TAS2R1: variants seen among roughly 807,000 people sequenced by gnomAD.
TAS2R1 encodes taste receptor type 2 member 1.
For synonymous variants in TAS2R1, 141 were observed against 134.2 expected (o/e 1.05, Z -0.35); for missense variants, 370 against 353.4 (o/e 1.05, Z -0.38).
At chr5:9,882,664 A>C in the TAS2R1 span, among the ~76,000 whole-genome samples, 2,903 of 152,234 alleles carry the variant, frequency 0.019, 78 homozygotes, top group African/African-American at 0.063. Context: ...ATAAATAGTC[A>C]AGAAACAACA....
the TAS2R1 span, among the ~76,000 whole-genome samples, chr5:9,764,267 T>C: frequency 6.6e-6 from 1 of 152,248 alleles, no homozygotes; most frequent in African/African-American, 2.4e-5. Flanking sequence ...CACTTACTTT[T>C]CTACCACCCT....
upstream of TAS2R1, among the ~76,000 whole-genome samples, chr5:9,633,293 A>G (rs913342363): frequency 1.6e-5 from 1 of 62,558 alleles, no homozygotes; most frequent in East Asian, 8.3e-4. Context: ...GTGTGTGTAT[A>G]TTATATATAT....
In TAS2R1 at chr5:9,671,288, C is replaced by T. The variant is rs547659852; in HGVS notation, c.-241-11707G>A. On this transcript the variant is annotated intron_variant, in intron 1 of 2. Coordinates refer to the TAS2R1 transcript ENST00000506620. Reference sequence around the variant, plus strand: ...TTCAACACAGTACTGAAAATTCTAGCCAGAAAAATCAGGCAAGAGAAATAA... The same window carrying T: ...TTCAACACAGTACTGAAAATTCTAGTCAGAAAAATCAGGCAAGAGAAATAA... Among the ~76,000 whole-genome samples, 9 of 152,124 alleles carry T rather than the reference C, an allele frequency of 5.9e-5. No homozygotes were observed. In the South Asian group the frequency reaches 1.2e-3, roughly 21 times the overall value.
chr5:9,891,070 T>C, the TAS2R1 span, among the ~76,000 whole-genome samples: 2 of 152,310 alleles, frequency 1.3e-5, no homozygotes, highest in African/African-American at 4.8e-5. Flanking sequence ...TATGTGGCTT[T>C]TAAAATCTCA....
chr5:9,629,541 G>C lies in TAS2R1; in HGVS notation c.492C>G (p.Ala164=), dbSNP rs148284129. ...YFLRKFFSQN[A]TIQKEDTLAI... is the part of the protein sequence containing the mutation. ...CCAGTGTATCTTCTTTTTGAATTGT[G>C]GCATTTTGGGAGAAAAATTTCCTTA... The change falls in exon 1 of 1, where the codon GCC becomes GCG. Residue 164 remains alanine, a synonymous_variant. Transcript: ENST00000382492. The C allele has an allele frequency of 4.6e-5, 74 of 1,613,682 alleles. No individual in the cohort carries two copies. Among genetic ancestry groups the C allele is most frequent in the Non-Finnish European group, 5.8e-5 (69 of 1,179,948 alleles).
the TAS2R1 span, among the ~76,000 whole-genome samples, chr5:9,787,003 A>C: frequency 6.6e-6 from 1 of 152,178 alleles, no homozygotes; most frequent in Non-Finnish European, 1.5e-5. Flanking sequence ...TAAGTGGTCT[A>C]TTTGGACAGA....
chr5:9,902,495 G>T, the TAS2R1 span, among the ~76,000 whole-genome samples: 2 of 152,016 alleles, frequency 1.3e-5, no homozygotes, highest in Admixed American at 6.6e-5. Context: ...CATATAAGGA[G>T]CTTGGAAGTC....
the TAS2R1 span, among the ~76,000 whole-genome samples, chr5:9,720,504 A>G: frequency 6.6e-6 from 1 of 152,254 alleles, no homozygotes; most frequent in African/African-American, 2.4e-5. Flanking sequence ...TCCTTAGGCC[A>G]AAGAAAATCA....
chr5:9,771,913 C>T, the TAS2R1 span, among the ~76,000 whole-genome samples: 1 of 151,922 alleles, frequency 6.6e-6, no homozygotes, highest in Non-Finnish European at 1.5e-5. Context: ...CTTCATCTGG[C>T]TAAAAGTTTG....
At chr5:9,875,506 AC>A in the TAS2R1 span, among the ~76,000 whole-genome samples, 2 of 152,228 alleles carry the variant, frequency 1.3e-5, no homozygotes, top group Non-Finnish European at 2.9e-5. Flanking sequence ...CAGCAGTGAA[AC>A]AGCCATGCGG....
the TAS2R1 span, among the ~76,000 whole-genome samples, chr5:9,833,192 G>C: frequency 2.0e-5 from 3 of 152,192 alleles, no homozygotes; most frequent in Non-Finnish European, 4.4e-5. Context: ...GAGCCTCAGA[G>C]AGATGACTTT....
chr5:9,755,570 G>C, the TAS2R1 span, among the ~76,000 whole-genome samples: 1 of 134,110 alleles, frequency 7.5e-6, no homozygotes, highest in Non-Finnish European at 1.5e-5. Flanking sequence ...CTGGGCGACA[G>C]AGTGAGACTC....
chr5:9,660,225 A>ATTTTTTTTTTT (rs35208333), intron 1 of TAS2R1, among the ~76,000 whole-genome samples: 107 of 88,804 alleles, frequency 1.2e-3, no homozygotes, highest in Non-Finnish European at 1.5e-3. Flanking sequence ...CTCCCGGCTA[A>ATTTTTTTTTTT]TTTTTTTTTT....
At chr5:9,843,175 A>G in the TAS2R1 span, among the ~76,000 whole-genome samples, 3 of 152,132 alleles carry the variant, frequency 2.0e-5, no homozygotes, top group Admixed American at 6.6e-5. Context: ...TCACCTCTCT[A>G]TAATTCTTTT....
chr5:9,686,155 G>A (rs1036181411), intron 1 of TAS2R1, among the ~76,000 whole-genome samples: 2 of 152,106 alleles, frequency 1.3e-5, no homozygotes, highest in African/African-American at 2.4e-5. Context: ...GTGTGCCACC[G>A]CGCCTGACCT....
the TAS2R1 span, among the ~76,000 whole-genome samples, chr5:9,811,124 A>G: frequency 1.0e-3 from 156 of 152,320 alleles, no homozygotes; most frequent in African/African-American, 3.7e-3. Context: ...TAACGTCCTC[A>G]TAAACATGAT....
At chr5:9,692,729 G>T (rs1392901621) in intron 1 of TAS2R1, among the ~76,000 whole-genome samples, 1 of 152,164 alleles carries the variant, frequency 6.6e-6, no homozygotes, top group Non-Finnish European at 1.5e-5. Context: ...GGCCTCCTTG[G>T]ATAAGCATTT....
the TAS2R1 span, among the ~76,000 whole-genome samples, chr5:9,796,959 A>G: frequency 6.6e-6 from 1 of 152,170 alleles, no homozygotes; most frequent in South Asian, 2.1e-4. Context: ...GTCGGCAGAC[A>G]TTGTTGCTAC....
the TAS2R1 span, among the ~76,000 whole-genome samples, chr5:9,862,573 T>C: frequency 6.8e-6 from 1 of 147,584 alleles, no homozygotes. Flanking sequence ...TTGTGTAATC[T>C]ACCTTTCTCT....
Sources: allele counts gnomAD v4.1 joint callset (sites outside exome capture counted in the v4.1 genomes callset), GRCh38; gene constraint gnomAD v4.1.1; transcripts MANE v1.5; gene names NCBI Gene and HGNC (gene_info 2026-07-23, HGNC 2026-07-21).